The following LENG9 variants were observed in gnomAD, a reference collection of about 807,000 sequenced individuals.
LENG9 encodes leukocyte receptor cluster member 9, also known as leukocyte receptor cluster (LRC) member 9.
For synonymous variants in LENG9, 410 were observed against 303.9 expected, an observed-to-expected ratio of 1.35 and a Z score of -3.63; for missense variants, 872 against 652.7, an observed-to-expected ratio of 1.34 and a Z score of -3.66.
rs1359604438 is a variant in LENG9 at position 54,463,626 on chromosome 19, G to A, written c.-100C>T. On this transcript the variant is annotated 5_prime_UTR_variant, in exon 1 of 1. Transcript: ENST00000611161. ...CGAGCCTCACCCGACAGTGGCGTCA[G>A]CGGCCCGCGCTCCGGCCTAGCTCTG... The A allele has an allele frequency of 1.6e-6, 2 of 1,258,596 alleles. No individual in the cohort carries two copies. The highest frequency in any genetic ancestry group is 2.0e-6 in the Non-Finnish European group (2 of 995,068). 78.0% of individuals were successfully genotyped at this position (1,258,596 alleles called of 1,614,324 possible).
chr19:54,462,966 G>A lies in LENG9; in HGVS notation c.561C>T (p.Ala187=). 1 of 1,608,764 alleles carries A rather than the reference G, an allele frequency of 6.2e-7. No individual in the cohort carries two copies. The highest frequency in any genetic ancestry group is 8.5e-7 in the Non-Finnish European group (1 of 1,179,740). Residue 187 remains alanine (A), a synonymous_variant, in exon 1 of 1, where the codon GCC becomes GCT. Transcript: ENST00000611161. ...LAGTGQEAQA[A]PKRGSTRPLC... ...GCGGCCTTGTGCTCCCTCGCTTGGG[G>A]GCAGCCTGGGCCTCCTGACCTGTCC...
At position 54,462,393 on chromosome 19, in the gene LENG9, T is replaced by C; in HGVS notation, c.1134A>G (p.Arg378=). ...CATGCGGGCCCAGGAGGACCAGCTT[T>C]CTAAAGCTCAGCCGAGGGGGTGCAT... ...GLNAPPRLSF[R]KLVLLGPHVL... Residue 378 remains arginine (R), a synonymous_variant, in exon 1 of 1, where the codon AGA becomes AGG. Transcript: ENST00000611161. 4 of 1,612,946 alleles carry C rather than the reference T, an allele frequency of 2.5e-6. No homozygotes were observed. Among genetic ancestry groups the C allele is most frequent in the Non-Finnish European group, 3.4e-6 (4 of 1,179,438 alleles).
chr19:54,463,516 G>A lies in LENG9; in HGVS notation c.11C>T (p.Ala4Val). ...TTCCTGCGGCAACTCCGGCTCTCTG[G>A]CCGCTGCCATGGGTGCGGGGAACTG... is the stretch of plus-strand genomic sequence containing the variant. Reference protein sequence around the residue: MAAAREPELPQEAP... With the variant: MAAVREPELPQEAP... Residue 4 changes from alanine (A) to valine (V), a missense_variant, in exon 1 of 1, where the codon GCC (alanine) becomes GTC (valine). Physicochemically the swap from Ala to Val is moderately conservative, Grantham distance 64. Transcript: ENST00000611161. The A allele has an allele frequency of 7.4e-7, 1 of 1,358,122 alleles. No homozygotes were observed. The highest frequency in any genetic ancestry group is 9.5e-7 in the Non-Finnish European group (1 of 1,052,232). The allele number at this position is 1,358,122 out of a possible 1,614,324, so 84.1% of individuals were successfully genotyped here. A position where few individuals can be genotyped will look rare whatever the true frequency, so the allele number is the denominator to read the frequency against.
In LENG9 at chr19:54,463,352, C is replaced by T. The variant is rs1321538146; in HGVS notation, c.175G>A (p.Ala59Thr). 5 of 1,394,134 alleles carry T rather than the reference C, an allele frequency of 3.6e-6. No individual in the cohort carries two copies. Among genetic ancestry groups the T allele is most frequent in the Admixed American group, 3.2e-5 (1 of 31,026 alleles). The allele number at this position is 1,394,134 out of a possible 1,614,324, so 86.4% of individuals were successfully genotyped here. ...PGREAQPEAG[A>T]KKPPLRTAAD... is the part of the protein sequence containing the mutation. Reference sequence around the variant, plus strand: ...GCTGTGCGCAGCGGCGGCTTCTTGGCCCCGGCCTCCGGCTGCGCCTCGCGG... The same window carrying T: ...GCTGTGCGCAGCGGCGGCTTCTTGGTCCCGGCCTCCGGCTGCGCCTCGCGG... Residue 59 changes from alanine (A) to threonine (T), a missense_variant, in exon 1 of 1, where the codon GCC (alanine) becomes ACC (threonine). By Grantham distance (58) the Ala-to-Thr change is moderately conservative. Coordinates refer to ENST00000611161, the MANE Select transcript of LENG9 (RefSeq NM_001301782.2).
chr19:54,463,723 T>A lies in LENG9; in HGVS notation c.-197A>T. On this transcript the variant is annotated 5_prime_UTR_variant, in exon 1 of 1. Coordinates refer to ENST00000611161, the MANE Select transcript of LENG9 (RefSeq NM_001301782.2). ...TTGGTGGAGAGCCTGACACCGCTGC[T>A]CTGGGACTTCCCGGCTGCGCCCTCC... 1.5e-6 allele frequency: 1 copy of A among 684,320 alleles called. No homozygotes were observed. Among genetic ancestry groups the A allele is most frequent in the Non-Finnish European group, 2.1e-6 (1 of 484,170 alleles). The allele number at this position is 684,320 out of a possible 1,614,324, so 42.4% of individuals were successfully genotyped here.
rs3745439 is a variant in LENG9 at position 54,462,018 on chromosome 19, G to C, written c.*72C>G. On this transcript the variant is annotated 3_prime_UTR_variant, in exon 1 of 1. Transcript: ENST00000611161. ...AAAATTAAAGAGAGAAAGAGAGAGC[G>C]TGCACGCTCCTGCTTTGTCTTTCCT... The C allele has an allele frequency of 2.7e-6, 4 of 1,478,150 alleles. No individual in the cohort carries two copies. Among genetic ancestry groups the C allele is most frequent in the South Asian group, 2.6e-5 (2 of 77,672 alleles). The allele number at this position is 1,478,150 out of a possible 1,614,324, so 91.6% of individuals were successfully genotyped here.
Position 54,463,469 on chromosome 19 carries a change from GC to G in LENG9, c.57del (p.Pro21ArgfsTer217). 7.7e-7 allele frequency: 1 copy of G among 1,292,692 alleles called. No individual in the cohort carries two copies. The highest frequency in any genetic ancestry group is 2.4e-5 in the South Asian group (1 of 42,428). The allele number at this position is 1,292,692 out of a possible 1,614,324, so 80.1% of individuals were successfully genotyped here. A position where few individuals can be genotyped will look rare whatever the true frequency, so the allele number is the denominator to read the frequency against. On this transcript the variant is annotated frameshift_variant, in exon 1 of 1. Coordinates refer to ENST00000611161, the MANE Select transcript of LENG9 (RefSeq NM_001301782.2). LOFTEE classifies it low-confidence loss of function (END_TRUNC). ...LPQEAPATEP[A>X]PPPACRFFLE... ...AGGAAGAAGCGGCAGGCCGGCGGGG[GC>G]GCGGGTTCCGTGGCGGGGGCTTCCT...
chr19:54,462,785 T>C lies in LENG9; in HGVS notation c.742A>G (p.Arg248Gly), dbSNP rs774418391. The change falls in exon 1 of 1, where the codon AGG becomes GGG. Residue 248 changes from arginine to glycine, a missense_variant. Transcript: ENST00000611161. ...TCCTTGCCCCCCAGCAATGTGGTCC[T>C]GGTGGCTGCTGTTGGCTTCAGTGCC... ...TEALKPTAAT[R>G]TTLLGGKEAQ... The C allele has an allele frequency of 3.7e-6, 6 of 1,601,614 alleles. No homozygotes were observed. The highest frequency in any genetic ancestry group is 2.3e-5 in the East Asian group (1 of 44,152).
chr19:54,462,041 C>T lies in LENG9; in HGVS notation c.*49G>A. The T allele has an allele frequency of 6.5e-7, 1 of 1,530,242 alleles. No individual in the cohort carries two copies. Among genetic ancestry groups the T allele is most frequent in the Non-Finnish European group, 8.8e-7 (1 of 1,138,636 alleles). 94.8% of individuals were successfully genotyped at this position (1,530,242 alleles called of 1,614,324 possible). ...GCGTGCACGCTCCTGCTTTGTCTTT[C>T]CTGTGTGGGCTGTTTGCATCCATTG... On this transcript the variant is annotated 3_prime_UTR_variant, in exon 1 of 1. Coordinates refer to ENST00000611161, the MANE Select transcript of LENG9 (RefSeq NM_001301782.2).
chr19:54,462,432 C>T lies in LENG9; in HGVS notation c.1095G>A (p.Leu365=). ...AAIGALRRAL[L]APGLNAPPRL... Reference sequence around the variant, plus strand: ...GAGGGGGTGCATTTAGCCCCGGGGCCAAGAGGGCCCGTCTCAGAGCTCCAA... The same window carrying T: ...GAGGGGGTGCATTTAGCCCCGGGGCTAAGAGGGCCCGTCTCAGAGCTCCAA... The change falls in exon 1 of 1, where the codon TTG becomes TTA. Residue 365 remains leucine (L), a synonymous_variant. Transcript: ENST00000611161. 6.2e-7 allele frequency: 1 copy of T among 1,613,518 alleles called. No individual in the cohort carries two copies. Among genetic ancestry groups the T allele is most frequent in the Non-Finnish European group, 8.5e-7 (1 of 1,179,970 alleles).
chr19:54,462,470 CCT>C lies in LENG9; in HGVS notation c.1055_1056del (p.Glu352GlyfsTer26), dbSNP rs781585709. The C allele has an allele frequency of 1.9e-4, 307 of 1,613,424 alleles. No individual in the cohort carries two copies. Among genetic ancestry groups the C allele is most frequent in the Admixed American group, 2.8e-4 (17 of 60,032 alleles). ...CTCAGAGCTCCAATGGCAGCGGCCT[CCT>C]CCCCAGCGCCTGCCAGTCGCAGCAG... is the stretch of plus-strand genomic sequence containing the variant. ...LALLRLAGAGEEAAAIGALRR... is the reference protein window; with the variant it reads ...LALLRLAGAGXEAAAIGALRR... On this transcript the variant is annotated frameshift_variant, in exon 1 of 1. Transcript: ENST00000611161. LOFTEE classifies it low-confidence loss of function (END_TRUNC).
In LENG9 at chr19:54,463,150, C is replaced by A; in HGVS notation, c.377G>T (p.Arg126Leu). ...GVLAVPQHRV[R>L]FFRFRGRLVW... ...AAGGCGGCCACGGAAGCGGAAGAAGCGCACGCGGTGCTGGGGCACTGCCAG... is the reference window on the plus strand; with the variant it reads ...AAGGCGGCCACGGAAGCGGAAGAAGAGCACGCGGTGCTGGGGCACTGCCAG... The change falls in exon 1 of 1, where the codon CGC (arginine) becomes CTC (leucine). Residue 126 changes from arginine to leucine, a missense_variant. Transcript: ENST00000611161. 6.3e-7 allele frequency: 1 copy of A among 1,592,588 alleles called. No individual in the cohort carries two copies.
Position 54,463,246 on chromosome 19 carries a change from A to G in LENG9, c.281T>C (p.Leu94Pro), listed in dbSNP as rs369115047. The G allele has an allele frequency of 1.5e-5, 23 of 1,542,966 alleles. No individual in the cohort carries two copies. The highest frequency in any genetic ancestry group is 9.6e-5 in the African/African-American group (7 of 72,920). Residue 94 changes from leucine to proline, a missense_variant, in exon 1 of 1, where the codon CTG becomes CCG. Transcript: ENST00000611161. ...DFSVGYVDRF[L>P]GVREEPFSAF... ...GCTGAAGGGCTCCTCGCGCACACCC[A>G]GAAAGCGGTCGACGTAGCCCACCGA...
rs374704781 is a variant in LENG9 at position 54,462,409 on chromosome 19, G to C, written c.1118C>G (p.Pro373Arg). 5.0e-6 allele frequency: 8 copies of C among 1,613,264 alleles called. No homozygotes were observed. The highest frequency in any genetic ancestry group is 1.6e-4 in the Middle Eastern group (1 of 6,066). Residue 373 changes from proline to arginine, a missense_variant, in exon 1 of 1, where the codon CCT (proline) becomes CGT (arginine). Physicochemically the swap from Pro to Arg is moderately radical, Grantham distance 103. Coordinates refer to ENST00000611161, the MANE Select transcript of LENG9 (RefSeq NM_001301782.2). The part of the protein sequence containing the change: ...ALLAPGLNAP[P>R]RLSFRKLVLL... ...GACCAGCTTTCTAAAGCTCAGCCGAGGGGGTGCATTTAGCCCCGGGGCCAA... is the reference window on the plus strand; with the variant it reads ...GACCAGCTTTCTAAAGCTCAGCCGACGGGGTGCATTTAGCCCCGGGGCCAA...
chr19:54,461,748 T>TTG lies in LENG9; in HGVS notation c.*340_*341dup, dbSNP rs561715173. The TTG allele has an allele frequency of 7.6e-4, 405 of 531,800 alleles. No individual in the cohort carries two copies. Among genetic ancestry groups the TTG allele is most frequent in the African/African-American group, 6.8e-3 (360 of 52,716 alleles). 32.9% of individuals were successfully genotyped at this position (531,800 alleles called of 1,614,324 possible). A position where few individuals can be genotyped will look rare whatever the true frequency, so the allele number is the denominator to read the frequency against. Reference sequence around the variant, plus strand: ...CACGTCATGTTGCCTTCTCTTTTCTTTGTGTGTGTGTTTATTTAAGTTATT... The same window carrying TTG: ...CACGTCATGTTGCCTTCTCTTTTCTTTGTGTGTGTGTGTTTATTTAAGTTATT... On this transcript the variant is annotated 3_prime_UTR_variant, in exon 1 of 1. Coordinates refer to ENST00000611161, the MANE Select transcript of LENG9 (RefSeq NM_001301782.2).
chr19:54,461,734 G>A lies in LENG9; in HGVS notation c.*356C>T, dbSNP rs756121848. The A allele has an allele frequency of 2.3e-5, 12 of 514,164 alleles. No individual in the cohort carries two copies. Among genetic ancestry groups the A allele is most frequent in the South Asian group, 1.4e-4 (9 of 64,878 alleles). The allele number at this position is 514,164 out of a possible 1,614,324, so 31.9% of individuals were successfully genotyped here. ...ATGGATCACCAGCTCACGTCATGTT[G>A]CCTTCTCTTTTCTTTGTGTGTGTGT... On this transcript the variant is annotated 3_prime_UTR_variant, in exon 1 of 1. Coordinates refer to ENST00000611161, the MANE Select transcript of LENG9 (RefSeq NM_001301782.2).
Position 54,462,248 on chromosome 19 carries a change from C to T in LENG9, c.1279G>A (p.Val427Met), listed in dbSNP as rs1354928992. Reference protein sequence around the residue: ...SPGQLHPHLTVAKVPHGSQVH... With the variant: ...SPGQLHPHLTMAKVPHGSQVH... ...TGGGAACCATGGGGCACCTTGGCCA[C>T]GGTGAGGTGGGGGTGCAGCTGCCCT... Residue 427 changes from valine (V) to methionine (M), a missense_variant, in exon 1 of 1, where the codon GTG becomes ATG. Coordinates refer to ENST00000611161, the MANE Select transcript of LENG9 (RefSeq NM_001301782.2). 2.5e-6 allele frequency: 4 copies of T among 1,612,260 alleles called. No homozygotes were observed. Among genetic ancestry groups the T allele is most frequent in the Admixed American group, 1.7e-5 (1 of 59,884 alleles).
In LENG9 at chr19:54,462,725, C is replaced by T. The variant is rs115637569; in HGVS notation, c.802G>A (p.Glu268Lys). 1,819 of 1,610,748 alleles carry T rather than the reference C, an allele frequency of 1.1e-3. 5 individuals are homozygous for T. The highest frequency in any genetic ancestry group is 1.5e-3 in the Non-Finnish European group (1,716 of 1,179,974). Reference sequence around the variant, plus strand: ...GGACCCCACTCGGCTTCTGTCGTCTCAGCGGAGCCCCCCGGGACTCCCAGG... The same window carrying T: ...GGACCCCACTCGGCTTCTGTCGTCTTAGCGGAGCCCCCCGGGACTCCCAGG... ...QALGVPGGSA[E>K]TTEAEWGPAA... The change falls in exon 1 of 1, where the codon GAG becomes AAG. Residue 268 changes from glutamate to lysine, a missense_variant. Glu to Lys is a moderately conservative substitution (Grantham distance 56, BLOSUM62 1). Transcript: ENST00000611161.
At position 54,462,848 on chromosome 19, in the gene LENG9, T is replaced by C. The variant is rs1417702859; in HGVS notation, c.679A>G (p.Thr227Ala). 6.2e-7 allele frequency: 1 copy of C among 1,612,350 alleles called. No individual in the cohort carries two copies. Among genetic ancestry groups the C allele is most frequent in the Non-Finnish European group, 8.5e-7 (1 of 1,179,848 alleles). ...GCGAGGCGTCCTCTTGGGGCCAGTG[T>C]TCCCAAATCAGCAGCTGTGCCCAGC... ...RALGTAADLG[T>A]LAPRGRLAGV... Residue 227 changes from threonine to alanine, a missense_variant, in exon 1 of 1, where the codon ACA becomes GCA. Physicochemically the swap from Thr to Ala is moderately conservative, Grantham distance 58 (BLOSUM62 0). Transcript: ENST00000611161.
Sources: allele counts gnomAD v4.1 joint callset, GRCh38; gene constraint gnomAD v4.1.1; transcripts MANE v1.5; gene names NCBI Gene and HGNC (gene_info 2026-07-23, HGNC 2026-07-21).